Variants in CHN1 observed in about 807,000 individuals in gnomAD.
CHN1 encodes chimerin 1.
A neutral mutation model predicts 59.5 loss-of-function variants in CHN1; 37 were observed. The ratio of observed to expected loss-of-function variants is 0.62; its 90% confidence interval spans 0.48 to 0.82. The LOEUF is 0.82. Among genes scored for constraint, CHN1 ranks in the 40% least tolerant of loss-of-function variants. The pLI is 0.00. For missense variants in CHN1, 469 were observed against 571.0 expected, an observed-to-expected ratio of 0.82 and a Z score of 1.82; for synonymous variants, 206 against 200.4, an observed-to-expected ratio of 1.03 and a Z score of -0.24.
chr2:174,847,691 T>G, intron 6 of CHN1: 1 of 1,273,858 alleles, frequency 7.9e-7, no homozygotes, highest in Non-Finnish European at 1.0e-6. Flanking sequence ...CAAGCAACAG[T>G]ATTTAAGTAC....
chr2:174,997,290 TCA>T (rs1167742012), intron 1 of CHN1, among the ~76,000 whole-genome samples: 3 of 152,168 alleles, frequency 2.0e-5, no homozygotes, highest in Admixed American at 6.5e-5. Context: ...CTCTGCTTTT[TCA>T]CACACTTTTG....
chr2:174,940,802 T>TACAA (rs1689636210), intron 3 of CHN1, among the ~76,000 whole-genome samples: 1 of 152,190 alleles, frequency 6.6e-6, no homozygotes, highest in Non-Finnish European at 1.5e-5. Flanking sequence ...AACAAATAAT[T>TACAA]GGTGGTGTCA....
chr2:174,847,792 A>G (rs1686584663), intron 6 of CHN1: 1 of 581,688 alleles, frequency 1.7e-6, no homozygotes, highest in Non-Finnish European at 2.9e-6. Context: ...AAAAAAAAAA[A>G]AAAAAAAAAT....
At chr2:174,936,871 G>C (rs896522540) in intron 3 of CHN1, among the ~76,000 whole-genome samples, 2 of 152,070 alleles carry the variant, frequency 1.3e-5, no homozygotes, top group African/African-American at 2.4e-5. Flanking sequence ...GGTTTTTAAA[G>C]CCTGCCTAAA....
At chr2:174,853,949 A>T (rs1273171450) in intron 6 of CHN1, among the ~76,000 whole-genome samples, 2 of 152,132 alleles carry the variant, frequency 1.3e-5, no homozygotes, top group African/African-American at 2.4e-5. Flanking sequence ...TAGAAGGGAG[A>T]GGGTGGGATG....
chr2:174,921,737 G>C (rs756637688), intron 3 of CHN1, among the ~76,000 whole-genome samples: 2 of 152,150 alleles, frequency 1.3e-5, no homozygotes, highest in East Asian at 3.9e-4. Context: ...GCAAGGAGAA[G>C]TGCCAAGCAA....
At chr2:174,968,960 G>A (rs369312839) in intron 1 of CHN1, among the ~76,000 whole-genome samples, 32 of 152,272 alleles carry the variant, frequency 2.1e-4, no homozygotes, top group African/African-American at 7.7e-4. Flanking sequence ...TTATCCCATT[G>A]AATGTGACCA....
chr2:174,855,773 T>TA (rs1201352108), intron 6 of CHN1, among the ~76,000 whole-genome samples: 1 of 152,142 alleles, frequency 6.6e-6, no homozygotes, highest in African/African-American at 2.4e-5. Flanking sequence ...TACTTAGACT[T>TA]AAAGACTTTT....
intron 6 of CHN1, among the ~76,000 whole-genome samples, chr2:174,860,105 T>C (rs1687023760): frequency 6.6e-6 from 1 of 152,140 alleles, no homozygotes; most frequent in South Asian, 2.1e-4. Context: ...TTTGTTAATT[T>C]TGCACTGGCT....
At chr2:174,819,786 G>A (rs1353436777) in intron 8 of CHN1, among the ~76,000 whole-genome samples, 1 of 148,802 alleles carries the variant, frequency 6.7e-6, no homozygotes, top group Non-Finnish European at 1.5e-5. Context: ...TTAGCATTAG[G>A]TATATCTCCT....
At chr2:174,885,239 C>T (rs1687860401) in intron 5 of CHN1, among the ~76,000 whole-genome samples, 2 of 150,970 alleles carry the variant, frequency 1.3e-5, no homozygotes, top group Admixed American at 6.6e-5. Flanking sequence ...CACGCCACTG[C>T]ACTCCAGCTT....
At chr2:174,916,265 T>C (rs1469624911) in intron 4 of CHN1, among the ~76,000 whole-genome samples, 1 of 152,218 alleles carries the variant, frequency 6.6e-6, no homozygotes, top group Non-Finnish European at 1.5e-5. Flanking sequence ...TATGATGGTA[T>C]ACAAACTCTC....
intron 3 of CHN1, among the ~76,000 whole-genome samples, chr2:174,929,588 A>G (rs2105385981): frequency 6.6e-6 from 1 of 152,116 alleles, no homozygotes; most frequent in South Asian, 2.1e-4. Flanking sequence ...AAAAAAAAAA[A>G]GGAAAAATAT....
intron 6 of CHN1, among the ~76,000 whole-genome samples, chr2:174,870,354 G>C (rs1687370060): frequency 6.6e-6 from 1 of 152,146 alleles, no homozygotes; most frequent in South Asian, 2.1e-4. Context: ...GGCCCCCAAA[G>C]AGTTAGGGAC....
chr2:174,888,005 A>G (rs1376579418), intron 5 of CHN1, among the ~76,000 whole-genome samples: 1 of 152,210 alleles, frequency 6.6e-6, no homozygotes, highest in Non-Finnish European at 1.5e-5. Context: ...TATTTACTAT[A>G]GGTAGTGCCT....
At chr2:174,924,575 GT>G (rs1689115543) in intron 3 of CHN1, among the ~76,000 whole-genome samples, 1 of 152,176 alleles carries the variant, frequency 6.6e-6, no homozygotes, top group African/African-American at 2.4e-5. Flanking sequence ...GGGTAGAGAA[GT>G]TTTTCTTCCT....
intron 1 of CHN1, among the ~76,000 whole-genome samples, chr2:174,953,919 C>T (rs1246495236): frequency 2.6e-5 from 4 of 152,146 alleles, no homozygotes; most frequent in African/African-American, 9.7e-5. Flanking sequence ...CACCATTATT[C>T]TTCACAGAAC....
intron 3 of CHN1, among the ~76,000 whole-genome samples, chr2:174,931,132 GCA>G (rs1491529662): frequency 1.2e-4 from 14 of 113,410 alleles, no homozygotes; most frequent in African/African-American, 5.3e-4. Flanking sequence ...GAAATATATG[GCA>G]AAAAAAAAAA....
chr2:174,924,041 T>C (rs1689094171), intron 3 of CHN1, among the ~76,000 whole-genome samples: 2 of 152,140 alleles, frequency 1.3e-5, no homozygotes, highest in Non-Finnish European at 2.9e-5. Flanking sequence ...GATCACAATA[T>C]ACTACCCTAA....
Sources: allele counts gnomAD v4.1 joint callset (sites outside exome capture counted in the v4.1 genomes callset), GRCh38; gene constraint gnomAD v4.1.1; transcripts MANE v1.5; gene names NCBI Gene and HGNC (gene_info 2026-07-23, HGNC 2026-07-21).